Variants in ARHGEF28 observed in about 807,000 individuals in gnomAD.
The protein encoded by ARHGEF28 is 190 kDa guanine nucleotide exchange factor.
In ARHGEF28, 152 loss-of-function variants were observed where a neutral mutation model predicts 206.6. That is an observed-to-expected ratio of 0.74 (90% CI 0.64 to 0.84). The LOEUF (loss-of-function observed/expected upper bound fraction) is 0.84, where lower values mean the gene tolerates loss of function less well. Ranked by LOEUF, ARHGEF28 falls within the 40% of genes least tolerant of loss-of-function variation. The pLI, the probability that ARHGEF28 is intolerant of heterozygous loss-of-function variation, is 0.00. For missense variants in ARHGEF28, 2,028 were observed against 2,073.2 expected, an observed-to-expected ratio of 0.98 and a Z score of 0.42; for synonymous variants, 763 against 776.4, an observed-to-expected ratio of 0.98 and a Z score of 0.29.
intron 35 of ARHGEF28, among the ~76,000 whole-genome samples, chr5:73,928,308 TG>T (rs1192672429): frequency 5.9e-5 from 9 of 152,088 alleles, no homozygotes; most frequent in Admixed American, 3.9e-4. Context: ...CCCAGCTACG[TG>T]GGAGGCTGAG....
rs375143821 is a variant in ARHGEF28 at position 73,776,635 on chromosome 5, T to G, written c.779T>G (p.Leu260Trp). ...TLTLNHTAEHLLEADIKLFRK... is the reference protein window; with the variant it reads ...TLTLNHTAEHWLEADIKLFRK... ...ACCCTGAACCACACAGCCGAGCATT[T>G]GTTGGAGGCAGATATTAAACTCTTC... Residue 260 changes from leucine (L) to tryptophan (W), a missense_variant, in exon 6 of 36, where the codon TTG (leucine) becomes TGG (tryptophan). Physicochemically the swap from Leu to Trp is moderately conservative, Grantham distance 61 (BLOSUM62 -2). Coordinates refer to ENST00000513042, the MANE Select transcript of ARHGEF28 (RefSeq NM_001177693.2). 5.0e-6 allele frequency: 8 copies of G among 1,613,792 alleles called. No homozygotes were observed. The highest frequency in any genetic ancestry group is 1.7e-5 in the Admixed American group (1 of 60,004).
chr5:73,736,214 A>G (rs891972514), intron 2 of ARHGEF28, among the ~76,000 whole-genome samples: 1 of 152,212 alleles, frequency 6.6e-6, no homozygotes, highest in Admixed American at 6.5e-5. Context: ...TTAAGACTTC[A>G]CTGTGGAGTT....
At chr5:73,730,948 G>C (rs1750586298) in intron 2 of ARHGEF28, among the ~76,000 whole-genome samples, 1 of 149,374 alleles carries the variant, frequency 6.7e-6, no homozygotes, top group African/African-American at 2.5e-5. Context: ...TACTGAGCTA[G>C]ATTTTTTTTT....
At chr5:73,773,667 C>G (rs1753366216) in intron 4 of ARHGEF28, among the ~76,000 whole-genome samples, 188 bp from the exon 5 acceptor site, 1 of 152,190 alleles carries the variant, frequency 6.6e-6, no homozygotes, top group Non-Finnish European at 1.5e-5. Flanking sequence ...TACTGCCTAC[C>G]TGGGCATTCA....
chr5:73,643,651 C>CA, intron 1 of ARHGEF28, among the ~76,000 whole-genome samples: 1 of 151,964 alleles, frequency 6.6e-6, no homozygotes, highest in Non-Finnish European at 1.5e-5. Context: ...TCCATCTTTA[C>CA]AAAAAATGCA....
In ARHGEF28 at chr5:73,707,879, G is replaced by A. The variant is rs538645988; in HGVS notation, c.33+22995G>A. ...ATATCTCTGGAAAATAGAAGTTGAT[G>A]AGTAATCCTATCCTGGCTGGTATTA... On this transcript the variant is annotated intron_variant, in intron 2 of 35. Transcript: ENST00000513042. Among the ~76,000 whole-genome samples the A allele has an allele frequency of 2.6e-5, 4 of 152,232 alleles. No individual in the cohort carries two copies. The South Asian group carries it at 8.3e-4, about 32-fold the overall frequency.
chr5:73,776,856 A>G (rs1033705420), intron 6 of ARHGEF28, among the ~76,000 whole-genome samples, 160 bp downstream of exon 6: 1 of 152,082 alleles, frequency 6.6e-6, no homozygotes, highest in Admixed American at 6.6e-5. Context: ...TAGAATGAAG[A>G]TTATTATATA....
chr5:73,801,898 G>C (rs1466456905), intron 9 of ARHGEF28, among the ~76,000 whole-genome samples: 1 of 152,144 alleles, frequency 6.6e-6, no homozygotes, highest in Non-Finnish European at 1.5e-5. Context: ...TTTGTTCAAG[G>C]AAATTTTCTT....
rs1270708127 is a variant in ARHGEF28, at chr5:73,877,134, C to T, written c.2814+3888C>T. Reference sequence around the variant, plus strand: ...GGTCTATTCAGAGATTCAACTTCTTCCTGGTTTAGTCTTGGAAGAGTGTAT... The same window carrying T: ...GGTCTATTCAGAGATTCAACTTCTTTCTGGTTTAGTCTTGGAAGAGTGTAT... On this transcript the variant is annotated intron_variant, in intron 22 of 35. Transcript: ENST00000513042. 2.9e-5 allele frequency among the ~76,000 whole-genome samples: 4 copies of T among 137,438 alleles called. 1 individual carries two copies. The highest frequency in any genetic ancestry group is 1.5e-4 in the Admixed American group (2 of 13,452). The allele number at this position is 137,438 out of a possible 152,430, so 90.2% of individuals were successfully genotyped here. A position where few individuals can be genotyped will look rare whatever the true frequency, so the allele number is the denominator to read the frequency against.
intron 1 of ARHGEF28, among the ~76,000 whole-genome samples, chr5:73,675,732 C>CAAAA (rs35836692): frequency 4.0e-5 from 2 of 49,636 alleles, no homozygotes; most frequent in African/African-American, 1.6e-4. Flanking sequence ...GACTCTGTCT[C>CAAAA]AAAAAAAAAA....
intron 1 of ARHGEF28, among the ~76,000 whole-genome samples, chr5:73,670,636 A>G (rs960104511): frequency 6.6e-6 from 1 of 152,180 alleles, no homozygotes; most frequent in African/African-American, 2.4e-5. Context: ...CAGTTTTTCC[A>G]TATCTGCTAT....
intron 3 of ARHGEF28, among the ~76,000 whole-genome samples, chr5:73,751,544 C>A (rs1471989585): frequency 6.6e-6 from 1 of 152,150 alleles, no homozygotes; most frequent in African/African-American, 2.4e-5. Context: ...TCTTGGTTTT[C>A]TCCTTTATCA....
intron 9 of ARHGEF28, among the ~76,000 whole-genome samples, chr5:73,816,125 G>A (rs1756194288): frequency 6.6e-6 from 1 of 152,064 alleles, no homozygotes; most frequent in South Asian, 2.1e-4. Context: ...GGTGGGGGGT[G>A]CCAGGCACTG....
chr5:73,860,233 A>C (rs1759313450), intron 16 of ARHGEF28, among the ~76,000 whole-genome samples: 1 of 152,168 alleles, frequency 6.6e-6, no homozygotes. Context: ...CCAAAATATC[A>C]TATTTAGACC....
chr5:73,685,319 TG>T (rs978990469), intron 2 of ARHGEF28, among the ~76,000 whole-genome samples: 2 of 152,006 alleles, frequency 1.3e-5, no homozygotes, highest in Admixed American at 6.6e-5. Flanking sequence ...GAGTTGGCGC[TG>T]GGGGGGACAG....
intron 9 of ARHGEF28, among the ~76,000 whole-genome samples, chr5:73,820,776 G>T (rs998350995): frequency 6.6e-6 from 1 of 152,134 alleles, no homozygotes; most frequent in African/African-American, 2.4e-5. Flanking sequence ...CTTCTCAGAG[G>T]GCTTCGGGAT....
intron 10 of ARHGEF28, among the ~76,000 whole-genome samples, chr5:73,835,941 C>T (rs966350575): frequency 1.3e-5 from 2 of 152,116 alleles, no homozygotes; most frequent in African/African-American, 4.8e-5. Context: ...CACATTTAGT[C>T]ACAGAAGAGT....
intron 24 of ARHGEF28, among the ~76,000 whole-genome samples, chr5:73,884,955 T>C (rs1653698000): frequency 6.6e-6 from 1 of 152,122 alleles, no homozygotes; most frequent in African/African-American, 2.4e-5. Flanking sequence ...TATTTTCTTT[T>C]CCCATCAGAA....
chr5:73,727,821 C>T (rs1173317110), intron 2 of ARHGEF28, among the ~76,000 whole-genome samples: 1 of 152,290 alleles, frequency 6.6e-6, no homozygotes, highest in East Asian at 1.9e-4. Context: ...AATCCCTCAG[C>T]AGGCCATGGC....
Sources: gnomAD v4.1 joint callset for allele counts (sites outside exome capture counted in the v4.1 genomes callset) on GRCh38, gnomAD v4.1.1 for gene constraint, MANE v1.5 for transcripts, NCBI Gene and HGNC (gene_info 2026-07-23, HGNC 2026-07-21) for gene names.